Variants in PTPRD observed in about 807,000 individuals in gnomAD.
PTPRD encodes the protein protein tyrosine phosphatase receptor type D.
A neutral mutation model predicts 214.5 loss-of-function variants in PTPRD; 34 were observed. The ratio of observed to expected loss-of-function variants is 0.16; its 90% CI spans 0.12 to 0.21. The LOEUF is 0.21. PTPRD is among the 10% of genes least tolerant of loss of function. The pLI, the probability that PTPRD is intolerant of heterozygous loss-of-function variation, is 1.00. For synonymous variants in PTPRD, 1,128 were observed against 845.7 expected, an observed-to-expected ratio of 1.33 and a Z score of -5.79; for missense variants, 2,545 against 2,398.7, an observed-to-expected ratio of 1.06 and a Z score of -1.27.
At chr9:9,724,596 G>A (rs541703198) in intron 7 of PTPRD, among the ~76,000 whole-genome samples, 44 of 152,296 alleles carry the variant, frequency 2.9e-4, no homozygotes, top group Admixed American at 8.5e-4. Context: ...GTGGATGAAA[G>A]AAGGTCACAG....
At chr9:10,299,053 G>C (rs2095782674) in intron 3 of PTPRD, among the ~76,000 whole-genome samples, 1 of 152,068 alleles carries the variant, frequency 6.6e-6, no homozygotes, top group South Asian at 2.1e-4. Context: ...CCATTGTAGA[G>C]TGTCTGATAA....
chr9:8,342,405 T>A (rs541288741), intron 39 of PTPRD, among the ~76,000 whole-genome samples: 1 of 152,218 alleles, frequency 6.6e-6, no homozygotes, highest in Non-Finnish European at 1.5e-5. Context: ...TCGTCCCATG[T>A]ACAAAACATA....
intron 3 of PTPRD, among the ~76,000 whole-genome samples, chr9:10,302,719 C>T (rs2095903067): frequency 1.3e-5 from 2 of 151,990 alleles, no homozygotes; most frequent in Non-Finnish European, 2.9e-5. Flanking sequence ...GCTAACTGTC[C>T]CAAATATATA....
intron 14 of PTPRD, among the ~76,000 whole-genome samples, chr9:8,579,625 A>G (rs2092844828): frequency 6.6e-6 from 1 of 152,244 alleles, no homozygotes; most frequent in Non-Finnish European, 1.5e-5. Flanking sequence ...TGCAAACCAA[A>G]GTATTTTAAT....
intron 11 of PTPRD, among the ~76,000 whole-genome samples, chr9:8,809,966 T>G (rs1482609840): frequency 6.6e-6 from 1 of 152,184 alleles, no homozygotes; most frequent in East Asian, 1.9e-4. Flanking sequence ...AACTATCACC[T>G]GCTATCAGAG....
At position 8,980,401 on chromosome 9, in the gene PTPRD, CAG is replaced by C. The variant is rs540721901; in HGVS notation, c.-104+38294_-104+38295del. ...ATTTTAGCTGCTTTTGTCATAAAAA[CAG>C]AAACTACGTAAGATGATAGATATGT... is the stretch of plus-strand genomic sequence containing the variant. On this transcript the variant is annotated intron_variant, in intron 11 of 45. Coordinates refer to ENST00000381196, the MANE Select transcript of PTPRD (RefSeq NM_002839.4). Among the ~76,000 whole-genome samples the C allele has an allele frequency of 8.6e-4, 130 of 152,036 alleles. 2 individuals are homozygous for C. Among genetic ancestry groups the C allele is most frequent in the South Asian group, 1.7e-3 (8 of 4,812 alleles).
intron 10 of PTPRD, among the ~76,000 whole-genome samples, chr9:9,151,848 A>G (rs952925025): frequency 6.6e-6 from 1 of 152,192 alleles, no homozygotes; most frequent in African/African-American, 2.4e-5. Context: ...CGCCTGGGCC[A>G]GTTAGGTGAT....
At chr9:10,287,704 G>A (rs2095405923) in intron 3 of PTPRD, among the ~76,000 whole-genome samples, 2 of 151,878 alleles carry the variant, frequency 1.3e-5, no homozygotes, top group Non-Finnish European at 2.9e-5. Flanking sequence ...TAGGCTTCAG[G>A]TTCTGCCATA....
chr9:10,157,276 T>C (rs1459807437), intron 3 of PTPRD, among the ~76,000 whole-genome samples: 4 of 152,226 alleles, frequency 2.6e-5, no homozygotes, highest in Non-Finnish European at 5.9e-5. Context: ...TAAAGGTCTT[T>C]CCTTTCCATA....
intron 39 of PTPRD, among the ~76,000 whole-genome samples, chr9:8,369,219 G>A (rs1357384233): frequency 6.6e-6 from 1 of 152,094 alleles, no homozygotes. Context: ...ATTTTCCACA[G>A]CACTCTTAGC....
At chr9:10,323,175 TTTC>T (rs1396730289) in intron 3 of PTPRD, among the ~76,000 whole-genome samples, 3 of 147,604 alleles carry the variant, frequency 2.0e-5, no homozygotes, top group Non-Finnish European at 3.0e-5. Context: ...TCTTTCTCTC[TTTC>T]TTTTCTTTTT....
At chr9:8,488,438 C>T (rs2097080616) in intron 27 of PTPRD, among the ~76,000 whole-genome samples, 1 of 152,054 alleles carries the variant, frequency 6.6e-6, no homozygotes, top group East Asian at 1.9e-4. Flanking sequence ...ACATATAAAA[C>T]ATGTGTGTTG....
chr9:8,723,693 A>G (rs187653647), intron 12 of PTPRD, among the ~76,000 whole-genome samples: 1 of 152,338 alleles, frequency 6.6e-6, no homozygotes, highest in East Asian at 1.9e-4. Flanking sequence ...AATGACTTTT[A>G]GTGACAAACA....
At chr9:8,644,088 G>C (rs1208380973) in intron 12 of PTPRD, among the ~76,000 whole-genome samples, 1 of 152,180 alleles carries the variant, frequency 6.6e-6, no homozygotes, top group African/African-American at 2.4e-5. Flanking sequence ...AAGCAGATGG[G>C]ACAACCAGCT....
chr9:8,950,537 G>T (rs772220305), intron 11 of PTPRD, among the ~76,000 whole-genome samples: 2 of 151,242 alleles, frequency 1.3e-5, no homozygotes, highest in Non-Finnish European at 2.9e-5. Context: ...GGTTAAGAAG[G>T]TTTCTCAAAT....
intron 2 of PTPRD, among the ~76,000 whole-genome samples, chr9:10,438,708 A>C (rs2098738801): frequency 1.3e-5 from 2 of 151,812 alleles, no homozygotes; most frequent in Admixed American, 6.6e-5. Context: ...AGGAACTGGC[A>C]TACTGAAAGA....
intron 9 of PTPRD, among the ~76,000 whole-genome samples, chr9:9,392,207 C>T (rs1366856345): frequency 1.3e-5 from 2 of 152,126 alleles, no homozygotes; most frequent in African/African-American, 4.8e-5. Flanking sequence ...GTAATCTGGG[C>T]ACATTGATGA....
At chr9:9,751,741 G>C (rs1212363883) in intron 6 of PTPRD, among the ~76,000 whole-genome samples, 1 of 152,040 alleles carries the variant, frequency 6.6e-6, no homozygotes, top group Non-Finnish European at 1.5e-5. Context: ...CACACCATCA[G>C]AGCTAGGAGG....
chr9:8,349,724 T>C (rs1022790189), intron 39 of PTPRD, among the ~76,000 whole-genome samples: 9 of 152,148 alleles, frequency 5.9e-5, no homozygotes, highest in Non-Finnish European at 1.2e-4. Context: ...ATTTAGTACA[T>C]TTATTATGTT....
Sources: allele counts gnomAD v4.1 joint callset (sites outside exome capture counted in the v4.1 genomes callset), GRCh38; gene constraint gnomAD v4.1.1; transcripts MANE v1.5; gene names NCBI Gene and HGNC (gene_info 2026-07-23, HGNC 2026-07-21).